GLOD4: variants seen among roughly 807,000 people sequenced by gnomAD.
The protein encoded by GLOD4 is glyoxalase domain containing 4.
GLOD4 carries 44 observed loss-of-function variants against 39.1 expected under a neutral mutation model. That is an observed-to-expected ratio of 1.13 (90% confidence interval 0.88 to 1.45). The LOEUF (loss-of-function observed/expected upper bound fraction) is 1.45. Ranked by LOEUF, GLOD4 falls within the 40% of genes most tolerant of loss-of-function variation. GLOD4 has a pLI of 0.00. For synonymous variants in GLOD4, 145 were observed against 135.0 expected (o/e 1.07, Z -0.52); for missense variants, 405 against 366.4 (o/e 1.11, Z -0.86).
upstream of GLOD4, chr17:783,279 G>A (rs202002005): frequency 1.2e-5 from 19 of 1,613,766 alleles, no homozygotes; most frequent in African/African-American, 1.9e-4. Flanking sequence ...GGTGAAATTT[G>A]AGGATATCAA....
upstream of GLOD4, chr17:783,236 A>G: frequency 1.9e-6 from 3 of 1,614,122 alleles, no homozygotes; most frequent in Non-Finnish European, 2.5e-6. Flanking sequence ...AGGAGTTGCC[A>G]GTCGATAAGC....
At chr17:767,120 T>C (rs1271719540) in intron 8 of GLOD4, among the ~76,000 whole-genome samples, 1 of 152,226 alleles carries the variant, frequency 6.6e-6, no homozygotes, top group African/African-American at 2.4e-5. Flanking sequence ...ATGAGATAGA[T>C]CCTCTTATTT....
intron 8 of GLOD4, among the ~76,000 whole-genome samples, chr17:760,802 C>A (rs1362818102): frequency 6.6e-6 from 1 of 152,176 alleles, no homozygotes; most frequent in Non-Finnish European, 1.5e-5. Flanking sequence ...AAAAAGGAAG[C>A]CTTAAGCCGT....
intron 8 of GLOD4, among the ~76,000 whole-genome samples, chr17:761,567 C>T (rs1034714352): frequency 6.6e-6 from 1 of 152,142 alleles, no homozygotes; most frequent in Non-Finnish European, 1.5e-5. Flanking sequence ...TGCAACGGCG[C>T]CATCTCGGCT....
intron 3 of GLOD4, among the ~76,000 whole-genome samples, chr17:776,311 C>G (rs1216135474): frequency 6.6e-6 from 1 of 152,208 alleles, no homozygotes; most frequent in African/African-American, 2.4e-5. Flanking sequence ...GGTTTCCTTA[C>G]ATTTAATCAA....
At chr17:775,388 C>T (rs946453963) in intron 4 of GLOD4, among the ~76,000 whole-genome samples, 8 of 152,264 alleles carry the variant, frequency 5.3e-5, no homozygotes, top group South Asian at 4.1e-4. Context: ...GAGAGGTACC[C>T]GCAGAGAACA....
At chr17:783,290 G>T (rs1380770124), upstream of GLOD4, 2 of 1,613,882 alleles carry the variant, frequency 1.2e-6, no homozygotes, top group Non-Finnish European at 8.5e-7. Context: ...AGGATATCAA[G>T]GATTGGTCCG....
intron 8 of GLOD4, among the ~76,000 whole-genome samples, chr17:762,420 G>A (rs922708781): frequency 4.0e-5 from 6 of 150,960 alleles, no homozygotes; most frequent in African/African-American, 1.2e-4. Context: ...TCCAGGCCCC[G>A]GCCTGCACCT....
At chr17:782,645 G>C, upstream of GLOD4, 2 of 1,613,240 alleles carry the variant, frequency 1.2e-6, no homozygotes, top group Non-Finnish European at 1.7e-6. Context: ...CCTGGGAAGA[G>C]TCTGGGCTTC....
intron 1 of GLOD4, among the ~76,000 whole-genome samples, chr17:779,319 TAAAAAAAAAAAAAA>T (rs34487169): frequency 6.9e-5 from 3 of 43,358 alleles, no homozygotes; most frequent in African/African-American, 3.0e-4. Flanking sequence ...CATCTCAAAT[TAAAAAAAAAAAAAA>T]AAAAAAAAAA....
In GLOD4 at chr17:775,875, CT is replaced by C; in HGVS notation, c.305del (p.Lys102SerfsTer6). 1 of 1,613,502 alleles carries C rather than the reference CT, an allele frequency of 6.2e-7. No homozygotes were observed. Among genetic ancestry groups the C allele is most frequent in the Non-Finnish European group, 8.5e-7 (1 of 1,179,396 alleles). ...ASSQAVSNAR[K>X]LEWPLTEVAE... ...CAACTTCCGTCAGTGGCCACTCCAG[CT>C]TCCTGGCGTTGCTGACAGCCTGGCT... On this transcript the variant is annotated frameshift_variant, in exon 4 of 9. Coordinates refer to ENST00000301329, the MANE Select transcript of GLOD4 (RefSeq NM_016080.4). LOFTEE classifies it high-confidence loss of function.
intron 4 of GLOD4, among the ~76,000 whole-genome samples, chr17:774,790 C>T (rs532745429): frequency 2.6e-5 from 4 of 152,210 alleles, no homozygotes; most frequent in Admixed American, 2.0e-4. Flanking sequence ...CAAAAAGGGC[C>T]GGGCACGGTG....
chr17:769,760 G>A (rs1289464865), intron 8 of GLOD4, 109 bp downstream of exon 8: 4 of 749,594 alleles, frequency 5.3e-6, no homozygotes, highest in Non-Finnish European at 7.2e-6. Flanking sequence ...GCGAAAGGAC[G>A]TGGTTCTGAC....
intron 4 of GLOD4, among the ~76,000 whole-genome samples, chr17:774,180 G>A (rs78647220): frequency 0.097 from 14,686 of 152,130 alleles, 956 homozygotes; most frequent in Middle Eastern, 0.2. Flanking sequence ...ATCTCTCCAC[G>A]AGTCCCACAC....
At chr17:774,843 C>T (rs1028044160) in intron 4 of GLOD4, among the ~76,000 whole-genome samples, 4 of 151,670 alleles carry the variant, frequency 2.6e-5, no homozygotes, top group African/African-American at 9.7e-5. Flanking sequence ...CTGAGGCAGG[C>T]GGATCAAGTG....
rs1388404698 is a variant in GLOD4, at chr17:778,406, G to A, written c.140+289C>T. On this transcript the variant is annotated intron_variant, in intron 2 of 8. Coordinates refer to ENST00000301329, the MANE Select transcript of GLOD4 (RefSeq NM_016080.4). ...GACAGCCGGCTGGTGTTAGAGAGCT[G>A]GAGAATCCCTTTGTGTCCCACAGGT... 18 of 525,172 alleles carry A rather than the reference G, an allele frequency of 3.4e-5. 1 individual carries two copies. In the South Asian group the frequency reaches 4.9e-4, roughly 14 times the overall value. 32.5% of individuals were successfully genotyped at this position (525,172 alleles called of 1,614,324 possible). A position where few individuals can be genotyped will look rare whatever the true frequency, so the allele number is the denominator to read the frequency against.
At chr17:778,404 C>G in intron 2 of GLOD4, 1 of 517,460 alleles carries the variant, frequency 1.9e-6, no homozygotes, top group Non-Finnish European at 3.4e-6. Context: ...TGTTAGAGAG[C>G]TGGAGAATCC....
At chr17:773,670 G>A (rs547104119) in intron 4 of GLOD4, among the ~76,000 whole-genome samples, 11 of 152,300 alleles carry the variant, frequency 7.2e-5, no homozygotes, top group African/African-American at 2.4e-4. Context: ...ATCTGACTAC[G>A]ATAAATTCAG....
intron 1 of GLOD4, among the ~76,000 whole-genome samples, chr17:779,319 TAAA>T (rs34487169): frequency 0.038 from 1,646 of 43,408 alleles, 23 homozygotes; most frequent in East Asian, 0.11. Flanking sequence ...CATCTCAAAT[TAAA>T]AAAAAAAAAA....
Sources: allele counts gnomAD v4.1 joint callset (sites outside exome capture counted in the v4.1 genomes callset), GRCh38; gene constraint gnomAD v4.1.1; transcripts MANE v1.5; gene names NCBI Gene and HGNC (gene_info 2026-07-23, HGNC 2026-07-21).